CHD9: variants seen among roughly 807,000 people sequenced by gnomAD.
CHD9 encodes the protein ATP-dependent chromatin remodeler CHD9.
Under a neutral mutation model 316.1 loss-of-function variants are expected in CHD9, and 77 were observed. The observed-to-expected ratio is 0.24, with a 90% CI of 0.20 to 0.29. The LOEUF is 0.29. Ranked by LOEUF, CHD9 falls within the 10% of genes least tolerant of loss-of-function variation. The pLI is 1.00. For missense variants in CHD9, 2,763 were observed against 3,438.1 expected (o/e 0.80, Z 4.91); for synonymous variants, 1,129 against 1,158.3 (o/e 0.97, Z 0.51).
chr16:53,069,448 C>G (rs1412112815), intron 1 of CHD9, among the ~76,000 whole-genome samples: 2 of 152,246 alleles, frequency 1.3e-5, no homozygotes, highest in Non-Finnish European at 2.9e-5. Context: ...AACCCCATCC[C>G]TGGCAACCAC....
intron 8 of CHD9, among the ~76,000 whole-genome samples, chr16:53,230,329 A>G (rs1396494922): frequency 1.3e-5 from 2 of 152,160 alleles, no homozygotes; most frequent in Non-Finnish European, 2.9e-5. Flanking sequence ...ATTTCACCTC[A>G]AAAATGTGGG....
intron 1 of CHD9, among the ~76,000 whole-genome samples, chr16:53,112,285 T>A (rs944856737): frequency 1.3e-5 from 2 of 152,326 alleles, no homozygotes; most frequent in Admixed American, 1.3e-4. Flanking sequence ...GCCCCTGAAT[T>A]TAAGTAGTCC....
chr16:53,204,058 T>TACACACACACACAC (rs58259105), intron 2 of CHD9, among the ~76,000 whole-genome samples: 6 of 63,010 alleles, frequency 9.5e-5, no homozygotes, highest in African/African-American at 2.7e-4. Context: ...AATATATATA[T>TACACACACACACAC]ACACACACAC....
chr16:53,070,523 T>C, intron 1 of CHD9, among the ~76,000 whole-genome samples: 1 of 21,282 alleles, frequency 4.7e-5, no homozygotes. Context: ...CTTCCTTCCT[T>C]CCTTCCTTCC....
chr16:53,277,558 A>G (rs1420918865), intron 24 of CHD9, among the ~76,000 whole-genome samples: 1 of 152,236 alleles, frequency 6.6e-6, no homozygotes, highest in African/African-American at 2.4e-5. Flanking sequence ...CTTTATGATT[A>G]AAACTCTCAG....
chr16:53,261,359 CTTT>C (rs1195811638), intron 19 of CHD9, among the ~76,000 whole-genome samples: 4 of 61,880 alleles, frequency 6.5e-5, no homozygotes, highest in Admixed American at 1.8e-4. Flanking sequence ...GTGTTTTAGA[CTTT>C]TTTTTTTTTT....
intron 1 of CHD9, among the ~76,000 whole-genome samples, chr16:53,063,101 C>T (rs987782082): frequency 5.9e-5 from 9 of 152,092 alleles, no homozygotes; most frequent in African/African-American, 2.2e-4. Context: ...TGGGTACTTA[C>T]TAAGTGCTGG....
intron 23 of CHD9, 47 bp downstream of exon 23, chr16:53,273,832 C>T (rs760744643): frequency 6.6e-7 from 1 of 1,507,872 alleles, no homozygotes; most frequent in Middle Eastern, 1.8e-4. Context: ...GTTTACTGTT[C>T]TGAATTTATT....
At position 53,318,275 on chromosome 16, in the gene CHD9, C is replaced by T. The variant is rs1350176007; in HGVS notation, c.7648C>T (p.Leu2550=). 2 of 1,612,944 alleles carry T rather than the reference C, an allele frequency of 1.2e-6. No homozygotes were observed. The highest frequency in any genetic ancestry group is 2.2e-5 in the South Asian group (2 of 90,980). The change falls in exon 37 of 39, where the codon CTA becomes TTA. Residue 2550 remains leucine, a synonymous_variant. Coordinates refer to ENST00000447540, the MANE Select transcript of CHD9 (RefSeq NM_001308319.2). Reference sequence around the variant, plus strand: ...ACACCGTTGCAGAAACCCCAATAAACTAGATGTGAATAGTCTCACTGGAGA... The same window carrying T: ...ACACCGTTGCAGAAACCCCAATAAATTAGATGTGAATAGTCTCACTGGAGA... ...KRHRCRNPNK[L]DVNSLTGEER...
At chr16:53,263,600 A>G (rs1400427059) in intron 20 of CHD9, among the ~76,000 whole-genome samples, 1 of 152,118 alleles carries the variant, frequency 6.6e-6, no homozygotes, top group African/African-American at 2.4e-5. Flanking sequence ...ACTAAGACAC[A>G]CTTGTCTAAT....
At chr16:53,153,541 G>C (rs1041963261) in intron 1 of CHD9, among the ~76,000 whole-genome samples, 1 of 151,972 alleles carries the variant, frequency 6.6e-6, no homozygotes, top group Non-Finnish European at 1.5e-5. Context: ...TTCTTCGTTT[G>C]TTTTGGAGAC....
chr16:53,128,093 C>A (rs1228613128), intron 1 of CHD9, among the ~76,000 whole-genome samples: 3 of 152,132 alleles, frequency 2.0e-5, no homozygotes, highest in Non-Finnish European at 4.4e-5. Context: ...AGAGCCACTC[C>A]GTCATAGCAC....
At chr16:53,320,743 A>G (rs2057220246) in intron 37 of CHD9, among the ~76,000 whole-genome samples, 1 of 152,144 alleles carries the variant, frequency 6.6e-6, no homozygotes, top group South Asian at 2.1e-4. Context: ...TGTCTGTGTC[A>G]TATTATTACA....
chr16:53,106,477 G>A (rs2037360476), intron 1 of CHD9, among the ~76,000 whole-genome samples: 2 of 152,206 alleles, frequency 1.3e-5, no homozygotes, highest in Non-Finnish European at 1.5e-5. Flanking sequence ...GGAAGGCAGT[G>A]CTTAAAGTTA....
chr16:53,247,757 G>A, intron 16 of CHD9: 1 of 334,426 alleles, frequency 3.0e-6, no homozygotes, highest in East Asian at 5.4e-5. Flanking sequence ...CCCAGGAATG[G>A]GTTTAAAAAT....
chr16:53,190,193 C>T (rs1049808697), intron 2 of CHD9, among the ~76,000 whole-genome samples: 4 of 152,092 alleles, frequency 2.6e-5, no homozygotes, highest in Admixed American at 1.3e-4. Flanking sequence ...ATATGGCTTT[C>T]TTTCCAGATG....
intron 2 of CHD9, among the ~76,000 whole-genome samples, chr16:53,170,064 T>G (rs200730204): frequency 1.8e-3 from 246 of 138,912 alleles, no homozygotes; most frequent in Non-Finnish European, 2.7e-3. Flanking sequence ...TTTTTGTTTG[T>G]TTTTTTTTGG....
intron 1 of CHD9, among the ~76,000 whole-genome samples, chr16:53,142,476 A>G (rs1478878666): frequency 6.6e-6 from 1 of 152,032 alleles, no homozygotes; most frequent in Non-Finnish European, 1.5e-5. Context: ...AAACAGACTG[A>G]GGTTTGTTTG....
chr16:53,270,853 T>C, intron 22 of CHD9, among the ~76,000 whole-genome samples: 1 of 152,018 alleles, frequency 6.6e-6, no homozygotes, highest in East Asian at 1.9e-4. Context: ...TGGAAGTGGG[T>C]GTATAAGGAT....
Sources: allele counts gnomAD v4.1 joint callset (sites outside exome capture counted in the v4.1 genomes callset), GRCh38; gene constraint gnomAD v4.1.1; transcripts MANE v1.5; gene names NCBI Gene and HGNC (gene_info 2026-07-23, HGNC 2026-07-21).